CDH18: variants seen among roughly 807,000 people sequenced by gnomAD.
CDH18 encodes cadherin-18.
A neutral mutation model predicts 67.9 loss-of-function variants in CDH18; 31 were observed. The ratio of observed to expected loss-of-function variants is 0.46; its 90% CI spans 0.34 to 0.62. The LOEUF is 0.62. Ranked by LOEUF, CDH18 falls within the 20% of genes least tolerant of loss-of-function variation. The probability of loss-of-function intolerance (pLI) is 0.01; values close to 1 mark genes in which losing one functional copy is unlikely to be tolerated. For synonymous variants in CDH18, 362 were observed against 347.2 expected, an observed-to-expected ratio of 1.04 and a Z score of -0.48; for missense variants, 890 against 975.5, an observed-to-expected ratio of 0.91 and a Z score of 1.17.
intron 2 of CDH18, among the ~76,000 whole-genome samples, chr5:20,200,063 A>T (rs1561871534): frequency 6.6e-6 from 1 of 152,184 alleles, no homozygotes; most frequent in Non-Finnish European, 1.5e-5. Flanking sequence ...TTAATACAAG[A>T]TCTAAGGGAA....
intron 2 of CDH18, among the ~76,000 whole-genome samples, chr5:19,907,408 T>C (rs1276105730): frequency 6.6e-6 from 1 of 152,034 alleles, no homozygotes; most frequent in African/African-American, 2.4e-5. Flanking sequence ...CAAATTCATT[T>C]ATGTTTTCTA....
chr5:19,505,010 T>C (rs927800878), intron 10 of CDH18, among the ~76,000 whole-genome samples: 1 of 152,174 alleles, frequency 6.6e-6, no homozygotes, highest in African/African-American at 2.4e-5. Flanking sequence ...TTATTATACC[T>C]GTTAAACTCT....
intron 2 of CDH18, among the ~76,000 whole-genome samples, chr5:19,913,767 C>T (rs532283683): frequency 6.6e-6 from 1 of 152,170 alleles, no homozygotes; most frequent in East Asian, 1.9e-4. Context: ...TCTGAAATAA[C>T]ATATTAAAAT....
chr5:19,849,851 T>C (rs17222312), intron 2 of CDH18, among the ~76,000 whole-genome samples: 12,021 of 149,692 alleles, frequency 0.08, 679 homozygotes, highest in Non-Finnish European at 0.12. Flanking sequence ...CTCCACTAGA[T>C]GCTTAAAACC....
chr5:20,490,150 G>A (rs886249095), intron 1 of CDH18, among the ~76,000 whole-genome samples: 7 of 151,574 alleles, frequency 4.6e-5, no homozygotes, highest in East Asian at 3.9e-4. Context: ...TAGACCAATG[G>A]CATTTTGATA....
chr5:20,193,084 T>C (rs1465042439), intron 2 of CDH18, among the ~76,000 whole-genome samples: 2 of 152,112 alleles, frequency 1.3e-5, no homozygotes, highest in African/African-American at 4.8e-5. Flanking sequence ...TCAGCTGTAT[T>C]CCTAAGTATT....
chr5:20,226,988 C>G (rs1296335418), intron 2 of CDH18, among the ~76,000 whole-genome samples: 3 of 152,070 alleles, frequency 2.0e-5, no homozygotes, highest in Non-Finnish European at 4.4e-5. Flanking sequence ...TGTGCTTTTA[C>G]TCATTCACAT....
intron 2 of CDH18, among the ~76,000 whole-genome samples, chr5:20,117,513 A>G (rs1459458382): frequency 6.6e-6 from 1 of 152,166 alleles, no homozygotes; most frequent in Non-Finnish European, 1.5e-5. Context: ...AGATAAATTG[A>G]GTACACTGAT....
chr5:20,325,346 T>C (rs1313019194), intron 1 of CDH18, among the ~76,000 whole-genome samples: 1 of 152,216 alleles, frequency 6.6e-6, no homozygotes, highest in African/African-American at 2.4e-5. Flanking sequence ...TTTCCTAGTA[T>C]ATTGTATCCC....
At chr5:20,486,586 CT>C (rs1473734891) in intron 1 of CDH18, among the ~76,000 whole-genome samples, 2 of 150,778 alleles carry the variant, frequency 1.3e-5, no homozygotes, top group African/African-American at 2.4e-5. Context: ...TTTTGGATCC[CT>C]TTTTTTTGAT....
At chr5:20,498,484 A>C (rs1036219830) in intron 1 of CDH18, among the ~76,000 whole-genome samples, 6 of 152,066 alleles carry the variant, frequency 3.9e-5, no homozygotes, top group African/African-American at 1.4e-4. Context: ...ACTTATTTTA[A>C]AAACATTAAG....
chr5:19,821,742 C>T (rs548493694), intron 3 of CDH18, among the ~76,000 whole-genome samples: 11 of 152,186 alleles, frequency 7.2e-5, no homozygotes, highest in African/African-American at 2.4e-4. Context: ...AAAGGGAACC[C>T]CATCAGGCTA....
chr5:19,487,837 T>A (rs1740652860), intron 11 of CDH18, among the ~76,000 whole-genome samples: 1 of 152,166 alleles, frequency 6.6e-6, no homozygotes, highest in African/African-American at 2.4e-5. Context: ...TAATTGAAAT[T>A]TCATTTATTT....
rs78805873 is a variant in CDH18, at chr5:20,386,448, G to T, written c.-579-130943C>A. 4.5e-3 allele frequency among the ~76,000 whole-genome samples: 689 copies of T among 152,134 alleles called. 2 individuals are homozygous for T. Among genetic ancestry groups the T allele is most frequent in the Non-Finnish European group, 7.0e-3 (474 of 67,996 alleles). The stretch of plus-strand genomic sequence containing the variant: ...TGCATAGTCTTTTATCCACAATTTT[G>T]CCATATGTGTATCTTGCAATTGGCT... On this transcript the variant is annotated intron_variant, in intron 1 of 14. Coordinates refer to the CDH18 transcript ENST00000507958.
In CDH18 at chr5:20,561,793, T is replaced by G. The variant is rs548035516; in HGVS notation, c.-580+13669A>C. 1.8e-4 allele frequency among the ~76,000 whole-genome samples: 28 copies of G among 152,138 alleles called. 1 individual carries two copies. In the South Asian group the frequency reaches 5.6e-3, roughly 30 times the overall value. On this transcript the variant is annotated intron_variant, in intron 1 of 14. Coordinates refer to the CDH18 transcript ENST00000507958. ...ATGCAATAAAAATGGTTTTCTAAGT[T>G]GAAATAATTCCAGGTTCATGATTGA...
At chr5:20,309,390 A>G (rs1736789321) in intron 1 of CDH18, among the ~76,000 whole-genome samples, 1 of 152,236 alleles carries the variant, frequency 6.6e-6, no homozygotes, top group African/African-American at 2.4e-5. Context: ...TAAAAATAAC[A>G]TGTCCAAAGA....
intron 3 of CDH18, among the ~76,000 whole-genome samples, chr5:19,804,961 T>C (rs1777881165): frequency 6.6e-6 from 1 of 151,936 alleles, no homozygotes; most frequent in African/African-American, 2.4e-5. Flanking sequence ...ATTTTTTTTT[T>C]TTGGACAGGG....
intron 2 of CDH18, among the ~76,000 whole-genome samples, chr5:19,921,412 T>C (rs1376181923): frequency 6.6e-6 from 1 of 151,264 alleles, no homozygotes; most frequent in Non-Finnish European, 1.5e-5. Flanking sequence ...GCACCTGTAG[T>C]CCCAGCTACT....
intron 1 of CDH18, among the ~76,000 whole-genome samples, chr5:20,392,990 G>A (rs1292170139): frequency 1.3e-5 from 2 of 151,694 alleles, no homozygotes; most frequent in Non-Finnish European, 2.9e-5. Flanking sequence ...ATGATATTTA[G>A]TATTTCTATC....
Sources: gnomAD v4.1 joint callset for allele counts (sites outside exome capture counted in the v4.1 genomes callset) on GRCh38, gnomAD v4.1.1 for gene constraint, MANE v1.5 for transcripts, NCBI Gene and HGNC (gene_info 2026-07-23, HGNC 2026-07-21) for gene names.